Variants in MGAT4C observed in about 807,000 individuals in gnomAD.
MGAT4C encodes MGAT4 family member C.
Under a neutral mutation model 40.1 loss-of-function variants are expected in MGAT4C, and 19 were observed. The observed-to-expected ratio is 0.47, with a 90% confidence interval of 0.33 to 0.70. The LOEUF is 0.70. Among genes scored for constraint, MGAT4C ranks in the 30% least tolerant of loss-of-function variants. The probability of loss-of-function intolerance (pLI) is 0.02; values close to 1 mark genes in which losing one functional copy is unlikely to be tolerated. For synonymous variants in MGAT4C, 181 were observed against 187.1 expected, an observed-to-expected ratio of 0.97 and a Z score of 0.27; for missense variants, 491 against 563.2, an observed-to-expected ratio of 0.87 and a Z score of 1.30.
At chr12:86,203,695 C>T (rs895393650) in intron 1 of MGAT4C, among the ~76,000 whole-genome samples, 7 of 151,986 alleles carry the variant, frequency 4.6e-5, no homozygotes, top group African/African-American at 1.2e-4. Context: ...TGGTGGCTCA[C>T]GCTTGTAATC....
At chr12:86,428,800 G>T (rs1956978847) in intron 3 of MGAT4C, among the ~76,000 whole-genome samples, 1 of 151,824 alleles carries the variant, frequency 6.6e-6, no homozygotes, top group East Asian at 1.9e-4. Context: ...TATTTCTGTG[G>T]TATCTGTTGT....
chr12:86,806,693 C>T (rs2136210760), intron 1 of MGAT4C, among the ~76,000 whole-genome samples: 1 of 152,046 alleles, frequency 6.6e-6, no homozygotes, highest in South Asian at 2.1e-4. Flanking sequence ...TAAAATTTTG[C>T]CATTTGAAAA....
intron 2 of MGAT4C, among the ~76,000 whole-genome samples, chr12:86,489,240 T>C (rs1421157672): frequency 6.6e-6 from 1 of 152,098 alleles, no homozygotes; most frequent in Non-Finnish European, 1.5e-5. Context: ...TGGCTTGACT[T>C]CAGGCAAGAG....
chr12:86,210,197 TC>T, intron 1 of MGAT4C, among the ~76,000 whole-genome samples: 1 of 152,328 alleles, frequency 6.6e-6, no homozygotes, highest in Admixed American at 6.5e-5. Context: ...GTAGTTTTTT[TC>T]AACGGATATT....
chr12:86,034,549 G>T (rs1406876730), intron 2 of MGAT4C, among the ~76,000 whole-genome samples: 1 of 144,916 alleles, frequency 6.9e-6, no homozygotes, highest in East Asian at 2.0e-4. Context: ...GTGCATAGTA[G>T]TCTCTGAGGG....
At chr12:86,006,073 G>T (rs183977110) in intron 2 of MGAT4C, among the ~76,000 whole-genome samples, 1 of 152,156 alleles carries the variant, frequency 6.6e-6, no homozygotes, top group Admixed American at 6.5e-5. Context: ...GCAAGCTGAA[G>T]CTCGACTATG....
intron 1 of MGAT4C, among the ~76,000 whole-genome samples, chr12:86,140,694 C>G (rs1882714030): frequency 6.6e-6 from 1 of 152,062 alleles, no homozygotes; most frequent in Non-Finnish European, 1.5e-5. Flanking sequence ...CCCCTACCAA[C>G]CTTCACGTTC....
intron 2 of MGAT4C, among the ~76,000 whole-genome samples, chr12:86,610,204 C>T (rs556995835): frequency 6.6e-6 from 1 of 152,086 alleles, no homozygotes; most frequent in Admixed American, 6.6e-5. Context: ...TCGAGGATAG[C>T]GTGAAAATTT....
At chr12:86,552,177 T>C (rs1959399850) in intron 2 of MGAT4C, among the ~76,000 whole-genome samples, 1 of 151,926 alleles carries the variant, frequency 6.6e-6, no homozygotes, top group African/African-American at 2.4e-5. Context: ...CAGAAAAATA[T>C]AGACAGAAAA....
At position 86,664,215 on chromosome 12, in the gene MGAT4C, T is replaced by C. The variant is rs551005708; in HGVS notation, c.-229+62994A>G. 3.6e-4 allele frequency among the ~76,000 whole-genome samples: 55 copies of C among 152,044 alleles called. No individual in the cohort carries two copies. The South Asian group carries it at 4.4e-3, about 12-fold the overall frequency. On this transcript the variant is annotated intron_variant, in intron 2 of 7. Transcript: ENST00000548651. ...TCCGGAGACAATGTCTTTATTTCCC[T>C]TTCTCATTTTTTCTTTCTCTTTTAT...
At chr12:86,694,450 A>G (rs1035133025) in intron 2 of MGAT4C, among the ~76,000 whole-genome samples, 1 of 152,206 alleles carries the variant, frequency 6.6e-6, no homozygotes, top group Non-Finnish European at 1.5e-5. Flanking sequence ...AAAAATATTT[A>G]GAATGAGCTA....
intron 4 of MGAT4C, among the ~76,000 whole-genome samples, chr12:86,324,713 CT>C (rs1954485113): frequency 6.6e-6 from 1 of 150,558 alleles, no homozygotes; most frequent in South Asian, 2.1e-4. Context: ...TTTTTTTCTG[CT>C]TGTGCAAAGC....
chr12:86,313,017 A>C (rs1422641639), intron 4 of MGAT4C, among the ~76,000 whole-genome samples: 1 of 152,178 alleles, frequency 6.6e-6, no homozygotes, highest in African/African-American at 2.4e-5. Context: ...GTGTGCATAA[A>C]ATGGAGCTCT....
At chr12:86,312,933 T>C (rs1310501406) in intron 4 of MGAT4C, among the ~76,000 whole-genome samples, 1 of 152,124 alleles carries the variant, frequency 6.6e-6, no homozygotes, top group Non-Finnish European at 1.5e-5. Flanking sequence ...ATATTCAAGG[T>C]CTTTAATATA....
intron 1 of MGAT4C, among the ~76,000 whole-genome samples, chr12:86,818,244 T>C (rs981268436): frequency 7.9e-5 from 12 of 150,988 alleles, no homozygotes; most frequent in Non-Finnish European, 1.3e-4. Context: ...AGAATATTAA[T>C]CATCAAGAAC....
At chr12:86,754,427 C>T (rs1256250071) in intron 1 of MGAT4C, among the ~76,000 whole-genome samples, 1 of 151,942 alleles carries the variant, frequency 6.6e-6, no homozygotes, top group Non-Finnish European at 1.5e-5. Context: ...TGGGTGTATA[C>T]ATATGGCAAA....
intron 4 of MGAT4C, among the ~76,000 whole-genome samples, chr12:86,279,691 T>C (rs1275449084): frequency 6.6e-6 from 1 of 151,814 alleles, no homozygotes; most frequent in Non-Finnish European, 1.5e-5. Flanking sequence ...TGGGTTCCAT[T>C]TGCTCTTGAT....
At chr12:86,490,249 A>G (rs1958106762) in intron 2 of MGAT4C, among the ~76,000 whole-genome samples, 1 of 152,190 alleles carries the variant, frequency 6.6e-6, no homozygotes, top group African/African-American at 2.4e-5. Context: ...ACAAGCCAGA[A>G]GAGAGTGGGG....
chr12:86,550,926 G>A (rs377082337), intron 2 of MGAT4C, among the ~76,000 whole-genome samples: 46 of 152,306 alleles, frequency 3.0e-4, no homozygotes, highest in East Asian at 2.1e-3. Flanking sequence ...TTTCTCTGCC[G>A]GGCCCAATGT....
Sources: gnomAD v4.1 joint callset for allele counts (sites outside exome capture counted in the v4.1 genomes callset) on GRCh38, gnomAD v4.1.1 for gene constraint, MANE v1.5 for transcripts, NCBI Gene and HGNC (gene_info 2026-07-23, HGNC 2026-07-21) for gene names.